ASTN2: variants seen among roughly 807,000 people sequenced by gnomAD.
The protein encoded by ASTN2 is astrotactin 2.
In ASTN2, 54 loss-of-function variants were observed where a neutral mutation model predicts 139.8. That is an observed-to-expected ratio of 0.39 (90% CI 0.31 to 0.48). The LOEUF (loss-of-function observed/expected upper bound fraction) is 0.48, where lower values mean the gene tolerates loss of function less well. Ranked by LOEUF, ASTN2 falls within the 20% of genes least tolerant of loss-of-function variation. The pLI, the probability that ASTN2 is intolerant of heterozygous loss-of-function variation, is 0.95. For synonymous variants in ASTN2, 756 were observed against 719.5 expected (o/e 1.05, Z -0.81); for missense variants, 1,565 against 1,725.1 (o/e 0.91, Z 1.64).
In ASTN2 at chr9:117,282,810, G is replaced by A. The variant is rs937197861; in HGVS notation, c.630+8516C>T. On this transcript the variant is annotated intron_variant, in intron 2 of 22. Transcript: ENST00000313400. The stretch of plus-strand genomic sequence containing the variant: ...TGAGCCTGCAGTGACTGCAGCTGCC[G>A]ATGTGTAAGGTGCATGAGAAGTAAA... Among the ~76,000 whole-genome samples the A allele has an allele frequency of 1.0e-4, 15 of 148,190 alleles. 1 individual carries two copies. Among genetic ancestry groups the A allele is most frequent in the Admixed American group, 4.6e-4 (7 of 15,200 alleles).
At chr9:116,685,484 C>T (rs1860148465) in intron 16 of ASTN2, among the ~76,000 whole-genome samples, 1 of 152,150 alleles carries the variant, frequency 6.6e-6, no homozygotes, top group African/African-American at 2.4e-5. Flanking sequence ...AAGGTAAACT[C>T]CTCAGGTGGT....
intron 19 of ASTN2, chr9:116,557,776 G>C (rs1034159324): frequency 6.6e-6 from 1 of 152,148 alleles, no homozygotes; most frequent in African/African-American, 2.4e-5. Context: ...TTCTGTCTTT[G>C]AGCAATTATA....
intron 4 of ASTN2, among the ~76,000 whole-genome samples, chr9:117,115,898 G>A (rs1167337234): frequency 7.2e-5 from 11 of 152,022 alleles, no homozygotes; most frequent in Admixed American, 4.6e-4. Flanking sequence ...AGTGGTGGGC[G>A]CCTGTAGTCC....
chr9:117,273,978 C>G (rs1320036044), intron 2 of ASTN2, among the ~76,000 whole-genome samples: 1 of 152,130 alleles, frequency 6.6e-6, no homozygotes, highest in Non-Finnish European at 1.5e-5. Flanking sequence ...AGAAGATAGT[C>G]CCCTGGGTGA....
intron 13 of ASTN2, among the ~76,000 whole-genome samples, chr9:116,799,230 G>C (rs1830777705): frequency 6.6e-6 from 1 of 152,084 alleles, no homozygotes; most frequent in Non-Finnish European, 1.5e-5. Context: ...TATCCTCAGT[G>C]GGGGAATGAG....
rs1380078659 is a variant in ASTN2, at chr9:116,424,784, T to A, written c.*1067A>T. The stretch of plus-strand genomic sequence containing the variant: ...TTGTATTGTTAGTAGAGACGGGGTT[T>A]CACCACATTAGCCAGGCTGGTCTCA... On this transcript the variant is annotated 3_prime_UTR_variant, in exon 23 of 23. Coordinates refer to ENST00000313400, the MANE Select transcript of ASTN2 (RefSeq NM_001365068.1). Among the ~76,000 whole-genome samples, 1 of 152,088 alleles carries A rather than the reference T, an allele frequency of 6.6e-6. No individual in the cohort carries two copies. The highest frequency in any genetic ancestry group is 2.4e-5 in the African/African-American group (1 of 41,404).
intron 11 of ASTN2, among the ~76,000 whole-genome samples, chr9:116,835,519 A>C (rs1831957679): frequency 6.6e-6 from 1 of 152,150 alleles, no homozygotes; most frequent in South Asian, 2.1e-4. Context: ...ATAGTCTCTA[A>C]GGGCAGCCAC....
At chr9:116,441,234 T>G (rs1847830747) in intron 21 of ASTN2, among the ~76,000 whole-genome samples, 2 of 150,624 alleles carry the variant, frequency 1.3e-5, no homozygotes, top group South Asian at 4.2e-4. Context: ...GGTCCCCATT[T>G]GAAACACCTT....
At chr9:116,838,106 T>G (rs919852188) in intron 11 of ASTN2, among the ~76,000 whole-genome samples, 35 of 138,624 alleles carry the variant, frequency 2.5e-4, no homozygotes, top group Non-Finnish European at 4.8e-4. Flanking sequence ...GCTGTGTTTT[T>G]TTTTGTTTTG....
intron 19 of ASTN2, chr9:116,545,997 C>T (rs1368691111): frequency 6.6e-6 from 1 of 152,230 alleles, no homozygotes; most frequent in Admixed American, 6.5e-5. Context: ...GCCCAGACTT[C>T]ACTTCTGGTC....
chr9:117,405,443 G>A (rs1830955822), intron 1 of ASTN2, among the ~76,000 whole-genome samples: 1 of 152,120 alleles, frequency 6.6e-6, no homozygotes, highest in Non-Finnish European at 1.5e-5. Context: ...TACCATCATG[G>A]CACCTGGGAC....
chr9:116,726,536 G>C (rs553566510), intron 15 of ASTN2, among the ~76,000 whole-genome samples: 19 of 152,250 alleles, frequency 1.2e-4, no homozygotes, highest in African/African-American at 4.3e-4. Flanking sequence ...GGAATCCTAA[G>C]GCTGCATTTG....
chr9:117,276,446 C>A (rs1343115342), intron 2 of ASTN2, among the ~76,000 whole-genome samples: 2 of 152,160 alleles, frequency 1.3e-5, no homozygotes, highest in East Asian at 1.9e-4. Flanking sequence ...ACCCTCATCT[C>A]CCCCCAGACA....
chr9:116,471,026 T>C (rs1422846560), intron 20 of ASTN2, among the ~76,000 whole-genome samples: 1 of 152,204 alleles, frequency 6.6e-6, no homozygotes, highest in Non-Finnish European at 1.5e-5. Context: ...TTCCTCTCCT[T>C]TTTCTTTTTT....
At chr9:116,614,889 A>C (rs183204915) in intron 19 of ASTN2, among the ~76,000 whole-genome samples, 2 of 152,194 alleles carry the variant, frequency 1.3e-5, no homozygotes, top group Non-Finnish European at 2.9e-5. Context: ...TAATTAAACT[A>C]AAGAGCTTCT....
intron 13 of ASTN2, among the ~76,000 whole-genome samples, chr9:116,767,504 A>G (rs759958596): frequency 9.9e-5 from 15 of 152,252 alleles, no homozygotes; most frequent in Non-Finnish European, 1.9e-4. Context: ...GGAGAACATT[A>G]GGAACGGAGG....
intron 10 of ASTN2, among the ~76,000 whole-genome samples, chr9:116,943,426 T>C (rs1263159841): frequency 6.6e-6 from 1 of 152,174 alleles, no homozygotes; most frequent in Non-Finnish European, 1.5e-5. Context: ...CAATTCAACC[T>C]GTAATCTAAA....
intron 5 of ASTN2, among the ~76,000 whole-genome samples, chr9:117,070,043 C>T (rs568931445): frequency 5.7e-4 from 86 of 150,386 alleles, no homozygotes; most frequent in African/African-American, 2.0e-3. Context: ...TGAGTTTGAT[C>T]CTGTCATTAT....
At chr9:116,454,230 C>G (rs577381712) in intron 20 of ASTN2, among the ~76,000 whole-genome samples, 12 of 152,148 alleles carry the variant, frequency 7.9e-5, no homozygotes, top group Non-Finnish European at 1.3e-4. Flanking sequence ...CAACAGAATA[C>G]TAAACTAACC....
Sources: gnomAD v4.1 joint callset for allele counts (sites outside exome capture counted in the v4.1 genomes callset) on GRCh38, gnomAD v4.1.1 for gene constraint, MANE v1.5 for transcripts, NCBI Gene and HGNC (gene_info 2026-07-23, HGNC 2026-07-21) for gene names.